The following KLF12 variants were observed in gnomAD, a reference collection of about 807,000 sequenced individuals.
KLF12 encodes Krueppel-like factor 12.
In KLF12, 9 loss-of-function variants were observed where a neutral mutation model predicts 37.8. That is an observed-to-expected ratio of 0.24 (90% confidence interval 0.14 to 0.42). The LOEUF (loss-of-function observed/expected upper bound fraction) is 0.42. KLF12 is among the 10% of genes least tolerant of loss of function. The pLI is 1.00. For synonymous variants in KLF12, 208 were observed against 202.1 expected, an observed-to-expected ratio of 1.03 and a Z score of -0.25; for missense variants, 411 against 516.0, an observed-to-expected ratio of 0.80 and a Z score of 1.97.
rs148821185 is a variant in KLF12 at position 73,804,432 on chromosome 13, T to A, written c.806+8720A>T. On this transcript the variant is annotated intron_variant, in intron 5 of 7. Transcript: ENST00000377669. ...AATAATCAGCCAAACTTCATTATAC[T>A]TTTTTTTTTAATTGAAGAGGGACCA... 5.0e-3 allele frequency among the ~76,000 whole-genome samples: 746 copies of A among 148,682 alleles called. 11 individuals carry two copies. Among genetic ancestry groups the A allele is most frequent in the African/African-American group, 0.018 (721 of 40,696 alleles).
Position 74,078,289 on chromosome 13 carries a change from T to C in KLF12, c.-32+55450A>G, listed in dbSNP as rs546366371. On this transcript the variant is annotated intron_variant, in intron 1 of 7. Transcript: ENST00000377669. ...TCTCCTCTTTCATAAATTGTCACAG[T>C]GAAGCTCTGCAAATTACTTGATCCC... Among the ~76,000 whole-genome samples, 9 of 152,358 alleles carry C rather than the reference T, an allele frequency of 5.9e-5. No individual in the cohort carries two copies. The East Asian group carries it at 1.7e-3, about 29-fold the overall frequency.
chr13:73,767,622 C>T (rs1880003332), intron 5 of KLF12, among the ~76,000 whole-genome samples: 1 of 152,248 alleles, frequency 6.6e-6, no homozygotes, highest in Middle Eastern at 3.4e-3. Flanking sequence ...GAAGCTATAC[C>T]ATTAGGGCCA....
intron 1 of KLF12, among the ~76,000 whole-genome samples, chr13:74,119,363 A>T (rs1446983793): frequency 1.3e-5 from 2 of 151,954 alleles, no homozygotes; most frequent in African/African-American, 4.8e-5. Context: ...CAGAAAAACA[A>T]AGCAAGAAAC....
At chr13:74,144,563 A>T in the KLF12 span, among the ~76,000 whole-genome samples, 1 of 152,170 alleles carries the variant, frequency 6.6e-6, no homozygotes, top group East Asian at 1.9e-4. Flanking sequence ...TAGTCTCAAG[A>T]ACTAAGCACA....
At chr13:73,922,034 T>C (rs952395938) in intron 3 of KLF12, among the ~76,000 whole-genome samples, 3 of 152,272 alleles carry the variant, frequency 2.0e-5, no homozygotes, top group Non-Finnish European at 4.4e-5. Context: ...AGTCATGCTT[T>C]TCACAGTATG....
chr13:73,750,774 T>A (rs928711255), intron 6 of KLF12, among the ~76,000 whole-genome samples: 4 of 152,186 alleles, frequency 2.6e-5, no homozygotes, highest in African/African-American at 4.8e-5. Context: ...ATTTTTTTCC[T>A]GATGCAGAAG....
At chr13:74,063,443 A>C (rs190114960) in intron 1 of KLF12, among the ~76,000 whole-genome samples, 112 of 152,304 alleles carry the variant, frequency 7.4e-4, no homozygotes, top group Middle Eastern at 3.4e-3. Flanking sequence ...AATTAACCTT[A>C]TTTAACAACC....
intron 5 of KLF12, among the ~76,000 whole-genome samples, chr13:73,781,016 C>T (rs139082179): frequency 6.6e-6 from 1 of 152,210 alleles, no homozygotes; most frequent in Non-Finnish European, 1.5e-5. Context: ...GCAACCCTCA[C>T]TGTTGTCTTA....
the KLF12 span, among the ~76,000 whole-genome samples, chr13:74,234,604 A>G: frequency 6.6e-6 from 1 of 152,208 alleles, no homozygotes; most frequent in South Asian, 2.1e-4. Context: ...GTCAGAAATA[A>G]GAAAGGTATT....
At chr13:73,713,726 T>C (rs531469979) in intron 7 of KLF12, among the ~76,000 whole-genome samples, 1 of 152,360 alleles carries the variant, frequency 6.6e-6, no homozygotes, top group South Asian at 2.1e-4. Context: ...GATGCAATCC[T>C]ATACTGCCAT....
chr13:74,094,707 C>T, intron 1 of KLF12, among the ~76,000 whole-genome samples: 1 of 151,814 alleles, frequency 6.6e-6, no homozygotes, highest in African/African-American at 2.4e-5. Flanking sequence ...CCAAGTGATT[C>T]TCCTGCCTCA....
intron 1 of KLF12, among the ~76,000 whole-genome samples, chr13:74,013,597 A>G (rs1246027458): frequency 6.6e-6 from 1 of 152,180 alleles, no homozygotes; most frequent in Non-Finnish European, 1.5e-5. Context: ...TCTTTCCTTC[A>G]GATTCAAAAT....
At chr13:74,253,951 T>G in the KLF12 span, among the ~76,000 whole-genome samples, 1 of 152,340 alleles carries the variant, frequency 6.6e-6, no homozygotes, top group East Asian at 1.9e-4. Context: ...TTCTAAAACT[T>G]ATTTGACCAG....
chr13:73,779,523 C>T (rs1248868173), intron 5 of KLF12, among the ~76,000 whole-genome samples: 1 of 152,222 alleles, frequency 6.6e-6, no homozygotes, highest in Non-Finnish European at 1.5e-5. Flanking sequence ...ATACCTTACC[C>T]TATCCATTTC....
chr13:73,880,959 TTAAG>T (rs1437068629), intron 3 of KLF12, among the ~76,000 whole-genome samples: 1 of 152,202 alleles, frequency 6.6e-6, no homozygotes, highest in Non-Finnish European at 1.5e-5. Context: ...ACACCTACTT[TTAAG>T]TAAGTCTGAT....
At chr13:73,711,352 G>T (rs761391836) in intron 7 of KLF12, among the ~76,000 whole-genome samples, 1 of 152,162 alleles carries the variant, frequency 6.6e-6, no homozygotes, top group African/African-American at 2.4e-5. Flanking sequence ...TGTCATGTAG[G>T]ACTTTCTGAG....
At chr13:73,775,674 T>C (rs1880566409) in intron 5 of KLF12, among the ~76,000 whole-genome samples, 2 of 152,174 alleles carry the variant, frequency 1.3e-5, no homozygotes, top group South Asian at 4.1e-4. Flanking sequence ...TGGCAGACAT[T>C]CTGATTGGTA....
intron 1 of KLF12, among the ~76,000 whole-genome samples, chr13:74,133,562 G>T (rs1169699989): frequency 6.7e-6 from 1 of 150,370 alleles, no homozygotes; most frequent in East Asian, 2.0e-4. Flanking sequence ...GCCCCCTCCC[G>T]CTTCCCAGCA....
chr13:74,151,730 A>G, the KLF12 span, among the ~76,000 whole-genome samples: 4 of 152,192 alleles, frequency 2.6e-5, no homozygotes, highest in East Asian at 7.7e-4. Flanking sequence ...TATTCTGGCT[A>G]GGAAATGATT....
Sources: gnomAD v4.1 joint callset for allele counts (sites outside exome capture counted in the v4.1 genomes callset) on GRCh38, gnomAD v4.1.1 for gene constraint, MANE v1.5 for transcripts, NCBI Gene and HGNC (gene_info 2026-07-23, HGNC 2026-07-21) for gene names.